NCOA1: variants seen among roughly 807,000 people sequenced by gnomAD.
The protein encoded by NCOA1 is Hin-2 protein.
In NCOA1, 35 loss-of-function variants were observed where a neutral mutation model predicts 150.9. The ratio of observed to expected loss-of-function variants is 0.23; its 90% CI spans 0.18 to 0.31. The LOEUF (loss-of-function observed/expected upper bound fraction) is 0.31, where lower values mean the gene tolerates loss of function less well. NCOA1 is among the 10% of genes least tolerant of loss of function. NCOA1 has a pLI of 1.00. For synonymous variants in NCOA1, 590 were observed against 630.0 expected (o/e 0.94, Z 0.95); for missense variants, 1,491 against 1,749.3 (o/e 0.85, Z 2.63).
chr2:24,591,485 G>A (rs544400400), intron 3 of NCOA1, among the ~76,000 whole-genome samples: 3 of 152,254 alleles, frequency 2.0e-5, no homozygotes, highest in South Asian at 2.1e-4. Flanking sequence ...ACTGCCTGGC[G>A]TTTAGTGAAG....
At chr2:24,651,536 T>A (rs1293777078) in intron 4 of NCOA1, among the ~76,000 whole-genome samples, 1 of 152,038 alleles carries the variant, frequency 6.6e-6, no homozygotes, top group African/African-American at 2.4e-5. Context: ...AATAAAACAT[T>A]GCCATAGTGG....
At chr2:24,570,418 A>C (rs1666698078) in intron 2 of NCOA1, among the ~76,000 whole-genome samples, 1 of 152,200 alleles carries the variant, frequency 6.6e-6, no homozygotes, top group African/African-American at 2.4e-5. Flanking sequence ...CAATATAATG[A>C]ATCATATCAA....
intron 4 of NCOA1, among the ~76,000 whole-genome samples, chr2:24,646,706 C>CT (rs79399130): frequency 1.6e-3 from 217 of 132,260 alleles, no homozygotes; most frequent in Middle Eastern, 3.8e-3. Context: ...TTTCTTCTTT[C>CT]TTTTTTTTTT....
intron 2 of NCOA1, among the ~76,000 whole-genome samples, chr2:24,576,510 G>A (rs1361829083): frequency 6.6e-6 from 1 of 152,024 alleles, no homozygotes; most frequent in African/African-American, 2.4e-5. Context: ...CTTTTCTCAG[G>A]AATCCCACTC....
intron 3 of NCOA1, among the ~76,000 whole-genome samples, chr2:24,618,236 T>A (rs934968937): frequency 6.6e-6 from 1 of 152,198 alleles, no homozygotes; most frequent in African/African-American, 2.4e-5. Flanking sequence ...AATAATGTCT[T>A]CTTCACTCCA....
At chr2:24,645,981 C>T (rs763893487) in intron 4 of NCOA1, among the ~76,000 whole-genome samples, 7 of 152,014 alleles carry the variant, frequency 4.6e-5, no homozygotes, top group Non-Finnish European at 1.0e-4. Flanking sequence ...ATGTTAGTAC[C>T]TCGACTTTAT....
intron 14 of NCOA1, among the ~76,000 whole-genome samples, chr2:24,722,348 A>G (rs1674395714): frequency 6.6e-6 from 1 of 152,236 alleles, no homozygotes. Context: ...CAGAATGTGT[A>G]CAGCATGCCT....
At chr2:24,737,336 G>A (rs1663364730) in intron 17 of NCOA1, among the ~76,000 whole-genome samples, 1 of 152,062 alleles carries the variant, frequency 6.6e-6, no homozygotes, top group Non-Finnish European at 1.5e-5. Flanking sequence ...AAATGAACAA[G>A]GGTTAATTCA....
chr2:24,628,072 G>A (rs1669512198), intron 3 of NCOA1, among the ~76,000 whole-genome samples: 1 of 152,132 alleles, frequency 6.6e-6, no homozygotes. Flanking sequence ...GGCTGAGGCG[G>A]GTGGAGGACC....
intron 1 of NCOA1, among the ~76,000 whole-genome samples, chr2:24,520,210 A>T (rs573452164): frequency 6.6e-6 from 1 of 152,316 alleles, no homozygotes; most frequent in African/African-American, 2.4e-5. Context: ...AAAGTTAAAC[A>T]TATACTTAAC....
intron 13 of NCOA1, among the ~76,000 whole-genome samples, chr2:24,710,061 T>C (rs1030454117): frequency 8.6e-5 from 13 of 151,288 alleles, no homozygotes; most frequent in African/African-American, 3.1e-4. Context: ...GAACTCCCTA[T>C]TTATTCTTTT....
chr2:24,598,110 A>G (rs1667956687), intron 3 of NCOA1, among the ~76,000 whole-genome samples: 1 of 152,196 alleles, frequency 6.6e-6, no homozygotes, highest in African/African-American at 2.4e-5. Flanking sequence ...ACATGAACTC[A>G]TCCGTTTTTA....
Position 24,603,185 on chromosome 2 carries a change from A to T in NCOA1, c.-175+18625A>T, listed in dbSNP as rs1034575930. ...TGTGCAATAGCATTGTGTCTAAAAA[A>T]ATATATATACCTTAATTAAAACATA... On this transcript the variant is annotated intron_variant, in intron 3 of 22. Coordinates refer to ENST00000348332, the MANE Select transcript of NCOA1 (RefSeq NM_003743.5). Among the ~76,000 whole-genome samples the T allele has an allele frequency of 2.4e-4, 26 of 108,054 alleles. No homozygotes were observed. In the South Asian group the frequency reaches 2.7e-3, roughly 11 times the overall value. The allele number at this position is 108,054 out of a possible 152,430, so 70.9% of individuals were successfully genotyped here. A position where few individuals can be genotyped will look rare whatever the true frequency, so the allele number is the denominator to read the frequency against.
intron 6 of NCOA1, among the ~76,000 whole-genome samples, chr2:24,670,459 C>CAT (rs2148514506): frequency 6.6e-6 from 1 of 152,178 alleles, no homozygotes; most frequent in East Asian, 1.9e-4. Context: ...TATAAAAGGA[C>CAT]ATATACCACT....
intron 8 of NCOA1, among the ~76,000 whole-genome samples, chr2:24,687,501 T>G (rs1672462238): frequency 1.3e-5 from 2 of 152,136 alleles, no homozygotes; most frequent in South Asian, 4.1e-4. Context: ...GATAAAGAAC[T>G]TCCCTGAGAC....
chr2:24,674,299 C>T (rs543714722), intron 7 of NCOA1, among the ~76,000 whole-genome samples: 3 of 151,420 alleles, frequency 2.0e-5, no homozygotes, highest in African/African-American at 7.3e-5. Context: ...TCCGCCTCCC[C>T]GGTTCATGAC....
chr2:24,663,532 A>G (rs1218479660), intron 5 of NCOA1, among the ~76,000 whole-genome samples: 2 of 152,340 alleles, frequency 1.3e-5, no homozygotes, highest in South Asian at 4.1e-4. Context: ...AAAGGCATGC[A>G]CCTGAGAAAT....
At chr2:24,558,455 G>GA (rs1666167058) in intron 1 of NCOA1, among the ~76,000 whole-genome samples, 1 of 152,126 alleles carries the variant, frequency 6.6e-6, no homozygotes, top group Admixed American at 6.5e-5. Flanking sequence ...GGTGGCAAGA[G>GA]AAAATAAGGA....
At chr2:24,528,986 AC>A (rs1664769329) in intron 1 of NCOA1, among the ~76,000 whole-genome samples, 1 of 152,048 alleles carries the variant, frequency 6.6e-6, no homozygotes, top group Non-Finnish European at 1.5e-5. Flanking sequence ...TCCCAGGTTC[AC>A]GCCATTCTCC....
Sources: gnomAD v4.1 joint callset for allele counts (sites outside exome capture counted in the v4.1 genomes callset) on GRCh38, gnomAD v4.1.1 for gene constraint, MANE v1.5 for transcripts, NCBI Gene and HGNC (gene_info 2026-07-23, HGNC 2026-07-21) for gene names.